Variants in PECR observed in about 807,000 individuals in gnomAD.
PECR encodes the protein peroxisomal trans-2-enoyl-CoA reductase.
A neutral mutation model predicts 35.3 loss-of-function variants in PECR; 30 were observed. The ratio of observed to expected loss-of-function variants is 0.85; its 90% confidence interval spans 0.64 to 1.15. The LOEUF (loss-of-function observed/expected upper bound fraction) is 1.15. Ranked by LOEUF, PECR falls within the 50% of genes most tolerant of loss-of-function variation. The probability of loss-of-function intolerance (pLI) is 0.00; values close to 1 mark genes in which losing one functional copy is unlikely to be tolerated. For synonymous variants in PECR, 148 were observed against 138.9 expected, an observed-to-expected ratio of 1.07 and a Z score of -0.46; for missense variants, 392 against 370.8, an observed-to-expected ratio of 1.06 and a Z score of -0.47.
intron 4 of PECR, among the ~76,000 whole-genome samples, chr2:216,054,168 T>C (rs971539330): frequency 2.6e-5 from 4 of 151,394 alleles, no homozygotes; most frequent in African/African-American, 9.7e-5. Context: ...GTGCCTGTAA[T>C]CCCAGCTACT....
chr2:216,066,356 A>G, intron 2 of PECR, 29 bp downstream of exon 2: 1 of 1,592,052 alleles, frequency 6.3e-7, no homozygotes, highest in Non-Finnish European at 8.6e-7. Flanking sequence ...ACAATGAATG[A>G]ATAAATGATA....
downstream of PECR, among the ~76,000 whole-genome samples, chr2:216,037,393 G>A (rs1287533156): frequency 6.6e-6 from 1 of 152,194 alleles, no homozygotes; most frequent in Admixed American, 6.5e-5. Flanking sequence ...GTCGATGGCA[G>A]TCATTAACAC....
intron 7 of PECR, chr2:216,033,094 C>A (rs955479920): frequency 6.6e-6 from 1 of 152,088 alleles, no homozygotes; most frequent in Non-Finnish European, 1.5e-5. Flanking sequence ...TCTAAACTTA[C>A]CCAAGATTGA....
At chr2:216,073,531 C>T (rs891160080) in intron 1 of PECR, among the ~76,000 whole-genome samples, 4 of 152,164 alleles carry the variant, frequency 2.6e-5, no homozygotes, top group African/African-American at 7.2e-5. Flanking sequence ...AACTTCCAGT[C>T]CCGTAAGCTC....
At chr2:216,048,384 TA>T (rs71047969) in intron 6 of PECR, among the ~76,000 whole-genome samples, 90,249 of 132,924 alleles carry the variant, frequency 0.68, 30,284 homozygotes, top group Admixed American at 0.71. Context: ...CTTGTTTTCT[TA>T]AAAAAAAAAA....
intron 1 of PECR, among the ~76,000 whole-genome samples, chr2:216,079,527 C>T (rs1355302528): frequency 6.6e-6 from 1 of 151,722 alleles, no homozygotes; most frequent in African/African-American, 2.4e-5. Flanking sequence ...GCCACCATGC[C>T]TGGCTAATTT....
rs1695059874 is a variant in PECR, at chr2:216,049,378, G to A, written c.604-5C>T. ...AGTCTGGGAATAAATAACTCCCTGT[G>A]TTTAAAAATAAAACAGGGACAAAAT... On this transcript the variant is annotated splice_region_variant and splice_polypyrimidine_tract_variant and intron_variant, in intron 5 of 7. Transcript: ENST00000265322. The A allele has an allele frequency of 1.6e-6, 2 of 1,251,436 alleles. No individual in the cohort carries two copies. The highest frequency in any genetic ancestry group is 2.4e-6 in the Non-Finnish European group (2 of 849,704). 77.5% of individuals were successfully genotyped at this position (1,251,436 alleles called of 1,614,324 possible).
Position 216,039,298 on chromosome 2 carries a change from A to G in PECR, c.889T>C (p.Phe297Leu), listed in dbSNP as rs960876555. 6.2e-7 allele frequency: 1 copy of G among 1,604,754 alleles called. No homozygotes were observed. Among genetic ancestry groups the G allele is most frequent in the South Asian group, 1.1e-5 (1 of 90,884 alleles). The change falls in exon 8 of 8, where the codon TTT becomes CTT. Residue 297 changes from phenylalanine (F) to leucine (L), a missense_variant. By Grantham distance (22) the Phe-to-Leu change is conservative (BLOSUM62 0). Transcript: ENST00000265322. Reference sequence around the variant, plus strand: ...GCTCAGAGCTTAGCTTTCTCCTTAAAGGTCTCCTTCATCTTTTTGACAACA... The same window carrying G: ...GCTCAGAGCTTAGCTTTCTCCTTAAGGGTCTCCTTCATCTTTTTGACAACA... ...LSVVKKMKET[F>L]KEKAKL
At position 216,078,372 on chromosome 2, in the gene PECR, C is replaced by T. The variant is rs369857542; in HGVS notation, c.124+3246G>A. On this transcript the variant is annotated intron_variant, in intron 1 of 7. Coordinates refer to ENST00000265322, the MANE Select transcript of PECR (RefSeq NM_018441.6). ...TAAAAATGATTTTTATGGCCAGGCC[C>T]GGTGGCTCACAGCACTTTGGGAGGT... 8.6e-5 allele frequency among the ~76,000 whole-genome samples: 13 copies of T among 152,032 alleles called. 1 individual carries two copies. The highest frequency in any genetic ancestry group is 3.9e-4 in the Admixed American group (6 of 15,278).
chr2:216,041,339 C>T (rs1425360784), intron 7 of PECR, among the ~76,000 whole-genome samples: 1 of 152,032 alleles, frequency 6.6e-6, no homozygotes, highest in Admixed American at 6.6e-5. Flanking sequence ...TTCTCTCCAC[C>T]CTCACTACTT....
intron 7 of PECR, among the ~76,000 whole-genome samples, chr2:216,042,763 G>GT (rs948667294): frequency 4.1e-4 from 62 of 151,292 alleles, no homozygotes; most frequent in Middle Eastern, 6.8e-3. Flanking sequence ...AAAACTTCTG[G>GT]TTTTTTTTCT....
At chr2:216,066,287 G>C in intron 2 of PECR, 98 bp downstream of exon 2, 3 of 1,010,682 alleles carry the variant, frequency 3.0e-6, no homozygotes, top group Non-Finnish European at 4.7e-6. Context: ...CCTCATCTAA[G>C]ACAGCTACAA....
chr2:216,034,785 G>A (rs1478131266), downstream of PECR, among the ~76,000 whole-genome samples: 6 of 152,126 alleles, frequency 3.9e-5, no homozygotes, highest in African/African-American at 1.4e-4. Context: ...CGCCTCCCAC[G>A]TTAATGTCCC....
At chr2:216,061,880 T>G (rs1032203748) in intron 3 of PECR, among the ~76,000 whole-genome samples, 30 of 152,206 alleles carry the variant, frequency 2.0e-4, no homozygotes, top group African/African-American at 7.0e-4. Flanking sequence ...ATAGAAAACA[T>G]GTGTTTATAT....
At position 216,081,805 on chromosome 2, in the gene PECR, C is replaced by T; in HGVS notation, c.-64G>A. 1.3e-6 allele frequency: 2 copies of T among 1,576,438 alleles called. No individual in the cohort carries two copies. The highest frequency in any genetic ancestry group is 1.8e-5 in the Admixed American group (1 of 57,130). On this transcript the variant is annotated 5_prime_UTR_variant, in exon 1 of 8. Coordinates refer to ENST00000265322, the MANE Select transcript of PECR (RefSeq NM_018441.6). ...TTCTGGGTCTCAGGGACATTCGAGG[C>T]GGGCGGGCGGACAGGGCGGTGCTCG...
chr2:216,070,778 G>A (rs1695573565), intron 1 of PECR, among the ~76,000 whole-genome samples: 1 of 152,158 alleles, frequency 6.6e-6, no homozygotes, highest in African/African-American at 2.4e-5. Flanking sequence ...CTGCTTAACT[G>A]ATCACAGGTT....
intron 1 of PECR, among the ~76,000 whole-genome samples, chr2:216,070,333 G>A (rs917556592): frequency 5.3e-5 from 8 of 152,002 alleles, no homozygotes; most frequent in South Asian, 2.1e-4. Flanking sequence ...CACTATTCTC[G>A]GAATTTTGAA....
intron 5 of PECR, among the ~76,000 whole-genome samples, chr2:216,050,136 C>G (rs764245334): frequency 6.6e-6 from 1 of 152,130 alleles, no homozygotes; most frequent in Non-Finnish European, 1.5e-5. Flanking sequence ...TTGGGAGGAT[C>G]GCTTGCGCCC....
intron 1 of PECR, among the ~76,000 whole-genome samples, chr2:216,079,677 A>G (rs1399279827): frequency 1.4e-5 from 2 of 147,484 alleles, no homozygotes; most frequent in Non-Finnish European, 3.0e-5. Flanking sequence ...CTGCATGTAT[A>G]TATTTTATTA....
Sources: allele counts gnomAD v4.1 joint callset (sites outside exome capture counted in the v4.1 genomes callset), GRCh38; gene constraint gnomAD v4.1.1; transcripts MANE v1.5; gene names NCBI Gene and HGNC (gene_info 2026-07-23, HGNC 2026-07-21).